The following DIS3L2 variants were observed in gnomAD, a reference collection of about 807,000 sequenced individuals.
DIS3L2 encodes DIS3 like 3'-5' exoribonuclease 2.
A neutral mutation model predicts 97.5 loss-of-function variants in DIS3L2; 34 were observed. The ratio of observed to expected loss-of-function variants is 0.35; its 90% confidence interval spans 0.27 to 0.46. The LOEUF is 0.46. DIS3L2 is among the 20% of genes least tolerant of loss of function. DIS3L2 has a pLI of 1.00. For missense variants in DIS3L2, 1,038 were observed against 1,146.0 expected (o/e 0.91, Z 1.36); for synonymous variants, 435 against 445.2 (o/e 0.98, Z 0.29).
intron 1 of DIS3L2, among the ~76,000 whole-genome samples, chr2:231,975,704 C>CAAAAA (rs34710079): frequency 1.1e-4 from 6 of 55,388 alleles, no homozygotes; most frequent in African/African-American, 2.7e-4. Context: ...GACTCCGCCT[C>CAAAAA]AAAAAAAAAA....
chr2:232,200,478 G>A (rs938024645), intron 9 of DIS3L2, among the ~76,000 whole-genome samples: 1 of 152,142 alleles, frequency 6.6e-6, no homozygotes, highest in Non-Finnish European at 1.5e-5. Context: ...TTGCCACAGG[G>A]ATATAGAGGC....
intron 5 of DIS3L2, among the ~76,000 whole-genome samples, chr2:232,061,584 A>G (rs1695707444): frequency 6.6e-6 from 1 of 152,158 alleles, no homozygotes; most frequent in East Asian, 1.9e-4. Context: ...TTTTTCTTCA[A>G]CATTCAATCT....
At chr2:232,131,942 GCAAAAA>G (rs1698229408) in intron 7 of DIS3L2, 1 of 15,738 alleles carries the variant, frequency 6.4e-5, no homozygotes, top group Admixed American at 8.5e-4. Flanking sequence ...ATGGCTTTCA[GCAAAAA>G]AAAAAAAAAA....
intron 11 of DIS3L2, among the ~76,000 whole-genome samples, chr2:232,239,764 G>A (rs915845147): frequency 2.0e-4 from 30 of 152,216 alleles, no homozygotes; most frequent in African/African-American, 6.8e-4. Context: ...GTTCACAAAG[G>A]TATTGGCACT....
intron 8 of DIS3L2, among the ~76,000 whole-genome samples, chr2:232,160,954 G>C (rs567681124): frequency 1.1e-4 from 16 of 152,280 alleles, no homozygotes; most frequent in African/African-American, 3.4e-4. Context: ...CTCTCACTCT[G>C]TTGCCCAGGC....
chr2:232,114,779 C>T (rs1184932159), intron 6 of DIS3L2, among the ~76,000 whole-genome samples: 5 of 152,100 alleles, frequency 3.3e-5, no homozygotes, highest in African/African-American at 1.2e-4. Flanking sequence ...TTGAAGAAAA[C>T]CTAGAAGAAA....
rs1693756175 is a variant in DIS3L2, at chr2:232,263,096, G to A, written c.1426-111G>A. 3 of 1,113,748 alleles carry A rather than the reference G, an allele frequency of 2.7e-6. No homozygotes were observed. The East Asian group carries it at 7.7e-5, about 29-fold the overall frequency. 69.0% of individuals were successfully genotyped at this position (1,113,748 alleles called of 1,614,324 possible). On this transcript the variant is annotated intron_variant, in intron 12 of 20. Transcript: ENST00000325385. ...AACCTGCCACCATTCCGAGCACACA[G>A]TCAGTGCTCAATAAATCTTTGTTGA...
intron 14 of DIS3L2, 28 bp from the exon 15 acceptor site, chr2:232,329,785 T>TGCCGGGGGGGGGGG: frequency 9.3e-6 from 9 of 967,134 alleles, no homozygotes; most frequent in Non-Finnish European, 1.3e-5. Flanking sequence ...ACCCCAGCGG[T>TGCCGGGGGGGGGGG]CCCTCCCATC....
At chr2:232,210,286 T>C in intron 9 of DIS3L2, 40 bp from the exon 10 acceptor site, 1 of 1,519,348 alleles carries the variant, frequency 6.6e-7, no homozygotes, top group Non-Finnish European at 9.1e-7. Context: ...AAGTTGCTAT[T>C]ATTTGTGGCA....
intron 14 of DIS3L2, among the ~76,000 whole-genome samples, chr2:232,304,562 C>T (rs1281684258): frequency 6.6e-6 from 1 of 152,182 alleles, no homozygotes; most frequent in Non-Finnish European, 1.5e-5. Context: ...GTGACCTTCA[C>T]AGACAAGGAG....
At chr2:232,297,617 T>G (rs1176279186) in intron 13 of DIS3L2, among the ~76,000 whole-genome samples, 1 of 152,126 alleles carries the variant, frequency 6.6e-6, no homozygotes, top group African/African-American at 2.4e-5. Flanking sequence ...TATGAAGAAT[T>G]TGGAAAATGC....
At chr2:232,278,244 G>A (rs995263873) in intron 13 of DIS3L2, among the ~76,000 whole-genome samples, 1 of 151,898 alleles carries the variant, frequency 6.6e-6, no homozygotes, top group African/African-American at 2.4e-5. Flanking sequence ...CATTTTATAT[G>A]GTATCACTAG....
chr2:232,057,919 T>C (rs1324254902), intron 5 of DIS3L2, among the ~76,000 whole-genome samples: 1 of 152,238 alleles, frequency 6.6e-6, no homozygotes, highest in Non-Finnish European at 1.5e-5. Flanking sequence ...ATTTGTGTAT[T>C]TTTCTATATG....
intron 1 of DIS3L2, among the ~76,000 whole-genome samples, chr2:231,967,268 TA>T (rs1692749456): frequency 6.6e-6 from 1 of 152,356 alleles, no homozygotes; most frequent in African/African-American, 2.4e-5. Flanking sequence ...TATATAATGC[TA>T]ATTGAAGAAT....
At chr2:232,255,323 G>A (rs1693530727) in intron 12 of DIS3L2, among the ~76,000 whole-genome samples, 1 of 152,168 alleles carries the variant, frequency 6.6e-6, no homozygotes. Context: ...GTCAGAGCAG[G>A]GCCAACAGCA....
intron 10 of DIS3L2, among the ~76,000 whole-genome samples, chr2:232,231,062 A>G (rs1007506307): frequency 2.0e-5 from 3 of 152,202 alleles, no homozygotes; most frequent in African/African-American, 7.2e-5. Flanking sequence ...GGCTCCAGAC[A>G]TTCGCTGTTT....
At chr2:232,181,325 G>A (rs1043124534) in intron 9 of DIS3L2, among the ~76,000 whole-genome samples, 6 of 151,994 alleles carry the variant, frequency 3.9e-5, no homozygotes, top group South Asian at 2.1e-4. Flanking sequence ...TCTTTGTGGC[G>A]TTCTCTGTAT....
At chr2:232,038,170 T>C (rs960308326) in intron 5 of DIS3L2, among the ~76,000 whole-genome samples, 3 of 152,190 alleles carry the variant, frequency 2.0e-5, no homozygotes, top group African/African-American at 7.2e-5. Flanking sequence ...GTCACTTTGT[T>C]TTCTTGAATC....
At chr2:232,070,447 T>C (rs1695980958) in intron 5 of DIS3L2, among the ~76,000 whole-genome samples, 1 of 152,228 alleles carries the variant, frequency 6.6e-6, no homozygotes, top group African/African-American at 2.4e-5. Context: ...AAAATATTTA[T>C]CACCTTGCTA....
Sources: gnomAD v4.1 joint callset for allele counts (sites outside exome capture counted in the v4.1 genomes callset) on GRCh38, gnomAD v4.1.1 for gene constraint, MANE v1.5 for transcripts, NCBI Gene and HGNC (gene_info 2026-07-23, HGNC 2026-07-21) for gene names.